ATP13A2: variants seen among roughly 807,000 people sequenced by gnomAD.
ATP13A2 encodes the protein ATPase cation transporting 13A2.
Under a neutral mutation model 138.3 loss-of-function variants are expected in ATP13A2, and 83 were observed. The ratio of observed to expected loss-of-function variants is 0.60; its 90% confidence interval spans 0.50 to 0.72. ATP13A2 has a LOEUF of 0.72. Among genes scored for constraint, ATP13A2 ranks in the 30% least tolerant of loss-of-function variants. The probability of loss-of-function intolerance (pLI) is 0.00; values close to 1 mark genes in which losing one functional copy is unlikely to be tolerated. For missense variants in ATP13A2, 1,402 were observed against 1,606.4 expected, an observed-to-expected ratio of 0.87 and a Z score of 2.17; for synonymous variants, 663 against 699.0, an observed-to-expected ratio of 0.95 and a Z score of 0.81.
Position 16,996,448 on chromosome 1 carries a change from C to T in ATP13A2, c.1244G>A (p.Arg415Gln), listed in dbSNP as rs190746040. 185 of 1,614,036 alleles carry T rather than the reference C, an allele frequency of 1.1e-4. No individual in the cohort carries two copies. The highest frequency in any genetic ancestry group is 1.1e-3 in the Admixed American group (67 of 59,996). ...TTTATAGAACTTGAAGTTGATGGGC[C>T]GGGGGTGCAAGATGGAGCTCACCAG... ...GGLVSSILHPRPINFKFYKHS... is the reference protein window; with the variant it reads ...GGLVSSILHPQPINFKFYKHS... The change falls in exon 13 of 29, where the codon CGG becomes CAG. Residue 415 changes from arginine to glutamine, a missense_variant. Arg to Gln is a conservative substitution (Grantham distance 43). Transcript: ENST00000326735.
chr1:17,005,296 T>A (rs948716257), intron 3 of ATP13A2, 78 bp downstream of exon 3: 1 of 1,541,842 alleles, frequency 6.5e-7, no homozygotes, highest in African/African-American at 1.4e-5. Flanking sequence ...AGTGGCCGGG[T>A]TGGCACCCAA....
At position 16,995,828 on chromosome 1, in the gene ATP13A2, G is replaced by A. The variant is rs1255132675; in HGVS notation, c.1542+148C>T. ...GTGAGCCCAGTGAGGGCAGGAGTGG[G>A]ATGGGGTGGATCCTCTGGGGGTTTC... On this transcript the variant is annotated intron_variant, in intron 15 of 28. Transcript: ENST00000326735. The surrounding 1 kb of genome is among the most constrained non-coding windows in gnomAD (Gnocchi z 4.1). 1.1e-6 allele frequency: 1 copy of A among 937,542 alleles called. No homozygotes were observed. Among genetic ancestry groups the A allele is most frequent in the South Asian group, 1.4e-5 (1 of 71,406 alleles). 58.1% of individuals were successfully genotyped at this position (937,542 alleles called of 1,614,324 possible). A position where few individuals can be genotyped will look rare whatever the true frequency, so the allele number is the denominator to read the frequency against.
chr1:17,000,116 G>C lies in ATP13A2; in HGVS notation c.934C>G (p.Leu312Val). 2 of 1,613,414 alleles carry C rather than the reference G, an allele frequency of 1.2e-6. No individual in the cohort carries two copies. The highest frequency in any genetic ancestry group is 3.3e-5 in the Admixed American group (2 of 60,022). The change falls in exon 11 of 29, where the codon CTA (leucine) becomes GTA (valine). Residue 312 changes from leucine (L) to valine (V), a missense_variant. By Grantham distance (32) the Leu-to-Val change is conservative. Transcript: ENST00000326735. ...GEEEWVDSSE[L>V]VPGDCLVLPQ... is the part of the protein sequence containing the mutation. The stretch of plus-strand genomic sequence containing the variant: ...AGCACCAGGCAGTCTCCGGGCACTA[G>C]CTCACTGGAGTCCACCCACTCTTCC...
Position 16,990,192 on chromosome 1 carries a change from G to A in ATP13A2, c.2347C>T (p.Arg783Trp), listed in dbSNP as rs376236999. The A allele has an allele frequency of 8.7e-6, 14 of 1,613,806 alleles. No homozygotes were observed. The highest frequency in any genetic ancestry group is 5.1e-6 in the Non-Finnish European group (6 of 1,179,992). ...LIIVHATHPE[R>W]GQPASLEFLP... is the part of the protein sequence containing the mutation. ...AACTCGAGAGAGGCAGGCTGACCCC[G>A]CTCAGGGTGGGTGGCGTGGACGATG... Residue 783 changes from arginine (R) to tryptophan (W), a missense_variant, in exon 21 of 29, where the codon CGG becomes TGG. Transcript: ENST00000326735.
rs1399725668 is a variant in ATP13A2, at chr1:16,995,606, C to T, written c.1542+370G>A. 1.4e-5 allele frequency: 5 copies of T among 358,204 alleles called. No homozygotes were observed. The highest frequency in any genetic ancestry group is 2.7e-5 in the Non-Finnish European group (5 of 182,654). The allele number at this position is 358,204 out of a possible 1,614,324, so 22.2% of individuals were successfully genotyped here. A position where few individuals can be genotyped will look rare whatever the true frequency, so the allele number is the denominator to read the frequency against. On this transcript the variant is annotated intron_variant, in intron 15 of 28. Coordinates refer to ENST00000326735, the MANE Select transcript of ATP13A2 (RefSeq NM_022089.4). This position sits in a 1 kb window ranked among gnomAD's most constrained non-coding sequence, Gnocchi z 4.1. Reference sequence around the variant, plus strand: ...GGGATTACAAGCATGTGCCATCATGCCTGGCTAACTTTTGTATTTTTAGTA... The same window carrying T: ...GGGATTACAAGCATGTGCCATCATGTCTGGCTAACTTTTGTATTTTTAGTA...
At chr1:16,999,902 C>CA (rs2077281411) in intron 11 of ATP13A2, 109 bp downstream of exon 11, 4 of 1,426,612 alleles carry the variant, frequency 2.8e-6, no homozygotes, top group Admixed American at 2.7e-5. Flanking sequence ...CTCCGTCTCA[C>CA]AAAAAAACAA....
At chr1:16,996,349 G>C (rs765751671) in intron 13 of ATP13A2, 37 bp downstream of exon 13, 2 of 1,613,746 alleles carry the variant, frequency 1.2e-6, no homozygotes, top group East Asian at 2.2e-5. Context: ...CAGGTGGGGG[G>C]GGCTATGGGC....
At chr1:17,009,821 CTCA>C (rs2077713515) in intron 1 of ATP13A2, among the ~76,000 whole-genome samples, 1 of 152,176 alleles carries the variant, frequency 6.6e-6, no homozygotes, top group African/African-American at 2.4e-5. Flanking sequence ...ATGACACTCT[CTCA>C]GTCAACCTTG....
At position 16,993,814 on chromosome 1, in the gene ATP13A2, C is replaced by A; in HGVS notation, c.1564G>T (p.Gly522Cys). ...FDKTGTLTEDGLDVMGVVPLK... is the reference protein window; with the variant it reads ...FDKTGTLTEDCLDVMGVVPLK... Reference sequence around the variant, plus strand: ...GGCACCACCCCCATCACGTCTAAGCCGTCCTCAGTGAGGGTGCCCGTCTGT... The same window carrying A: ...GGCACCACCCCCATCACGTCTAAGCAGTCCTCAGTGAGGGTGCCCGTCTGT... Residue 522 changes from glycine (G) to cysteine (C), a missense_variant, in exon 16 of 29, where the codon GGC becomes TGC. Transcript: ENST00000326735. 1 of 1,571,080 alleles carries A rather than the reference C, an allele frequency of 6.4e-7. No individual in the cohort carries two copies. The highest frequency in any genetic ancestry group is 2.3e-5 in the East Asian group (1 of 42,582).
intron 1 of ATP13A2, among the ~76,000 whole-genome samples, chr1:17,008,790 C>T (rs1179795426): frequency 6.6e-6 from 1 of 152,064 alleles, no homozygotes; most frequent in African/African-American, 2.4e-5. Flanking sequence ...GAAACCCTGT[C>T]TCTACTAAAA....
Position 16,986,229 on chromosome 1 carries a change from G to C in ATP13A2, c.3535C>G (p.Leu1179Val), listed in dbSNP as rs2076713399. 1 of 1,611,788 alleles carries C rather than the reference G, an allele frequency of 6.2e-7. No individual in the cohort carries two copies. Among genetic ancestry groups the C allele is most frequent in the East Asian group, 2.2e-5 (1 of 44,770 alleles). Residue 1179 changes from leucine (L) to valine (V), a missense_variant, in exon 29 of 29, where the codon CTG (leucine) becomes GTG (valine). Coordinates refer to ENST00000326735, the MANE Select transcript of ATP13A2 (RefSeq NM_022089.4). The surrounding 1 kb of genome is among the most constrained non-coding windows in gnomAD (Gnocchi z 6.9). ...QPWPPLPAGP[L>V]R ...GTGCCCGTGGGCCTGCACTACCTCA[G>C]GGGGCCGGCGGGCAGCGGCGGCCAG...
chr1:17,001,799 A>G (rs563715744), intron 8 of ATP13A2, among the ~76,000 whole-genome samples: 86 of 152,294 alleles, frequency 5.6e-4, no homozygotes, highest in African/African-American at 1.9e-3. Flanking sequence ...TTGGCCTCCA[A>G]TCCCTATGAG....
At position 16,992,280 on chromosome 1, in the gene ATP13A2, G is replaced by A. The variant is rs2076960569; in HGVS notation, c.1968C>T (p.Ser656=). Residue 656 remains serine (S), a synonymous_variant, in exon 18 of 29, where the codon TCC becomes TCT. Transcript: ENST00000326735. ...ATQPEAYVKG[S]PELVAGLCNP... The stretch of plus-strand genomic sequence containing the variant: ...TGCAGAGCCCTGCCACCAGCTCCGG[G>A]GAGCCTTTGACGTAGGCCTCGGGCT... 1 of 1,612,532 alleles carries A rather than the reference G, an allele frequency of 6.2e-7. No homozygotes were observed. Among genetic ancestry groups the A allele is most frequent in the Non-Finnish European group, 8.5e-7 (1 of 1,179,932 alleles).
In ATP13A2 at chr1:17,011,831, A is replaced by G. The variant is rs1031346587; in HGVS notation, c.-93T>C. On this transcript the variant is annotated 5_prime_UTR_variant, in exon 1 of 29. Transcript: ENST00000326735. This position sits in a 1 kb window ranked among gnomAD's most constrained non-coding sequence, Gnocchi z 7.3. Reference sequence around the variant, plus strand: ...GGCCCTGGGCGGGGGCGCGGTCCGGACGGCCCGGGGCGAGGGGCGCTGGGC... The same window carrying G: ...GGCCCTGGGCGGGGGCGCGGTCCGGGCGGCCCGGGGCGAGGGGCGCTGGGC... 1.0e-5 allele frequency: 11 copies of G among 1,088,410 alleles called. No individual in the cohort carries two copies. In the African/African-American group the frequency reaches 1.9e-4, roughly 18 times the overall value. 67.4% of individuals were successfully genotyped at this position (1,088,410 alleles called of 1,614,324 possible).
rs1570792730 is a variant in ATP13A2 at position 16,991,856 on chromosome 1, T to C, written c.2129A>G (p.Asp710Gly). The change falls in exon 20 of 29, where the codon GAC becomes GGC. Residue 710 changes from aspartate (D) to glycine (G), a missense_variant and splice_region_variant. Asp to Gly is a moderately conservative substitution (Grantham distance 94). Coordinates refer to ENST00000326735, the MANE Select transcript of ATP13A2 (RefSeq NM_022089.4). ...GAGGCTCAGGTCTCCTTCCACAGTG[T>C]CCCTGGAGGGTGGGCAGACCTGGAT... The part of the protein sequence containing the change: ...SLEAAQQLTR[D>G]TVEGDLSLLG... 2.5e-6 allele frequency: 4 copies of C among 1,613,956 alleles called. No individual in the cohort carries two copies. The highest frequency in any genetic ancestry group is 3.4e-6 in the Non-Finnish European group (4 of 1,180,036).
In ATP13A2 at chr1:16,996,083, C is replaced by T. The variant is rs2077109691; in HGVS notation, c.1435G>A (p.Val479Met). The T allele has an allele frequency of 6.2e-7, 1 of 1,614,128 alleles. No individual in the cohort carries two copies. The highest frequency in any genetic ancestry group is 2.2e-5 in the East Asian group (1 of 44,894). The change falls in exon 15 of 29, where the codon GTG becomes ATG. Residue 479 changes from valine to methionine, a missense_variant. By Grantham distance (21) the Val-to-Met change is conservative. Coordinates refer to ENST00000326735, the MANE Select transcript of ATP13A2 (RefSeq NM_022089.4). ...CGGCTCTGGGCGTAGAGCGTGCACA[C>T]AGTCATGGCAGCAGGCAGGGCAGGT... ...VPPALPAAMTVCTLYAQSRLR... is the reference protein window; with the variant it reads ...VPPALPAAMTMCTLYAQSRLR...
Position 16,986,777 on chromosome 1 carries a change from CA to C in ATP13A2, c.3235+27del. On this transcript the variant is annotated intron_variant, in intron 27 of 28. Transcript: ENST00000326735. This position sits in a 1 kb window ranked among gnomAD's most constrained non-coding sequence, Gnocchi z 6.9. ...CAGGGCTCCTCCCTCCCTCCGCCAGCATCTCCCGCCCGCGCCCGCAGTGGCA... is the reference window on the plus strand; with the variant it reads ...CAGGGCTCCTCCCTCCCTCCGCCAGCTCTCCCGCCCGCGCCCGCAGTGGCA... The C allele has an allele frequency of 4.4e-6, 7 of 1,606,118 alleles. No individual in the cohort carries two copies. The highest frequency in any genetic ancestry group is 5.9e-6 in the Non-Finnish European group (7 of 1,177,492).
At position 17,002,379 on chromosome 1, in the gene ATP13A2, G is replaced by A; in HGVS notation, c.558-6C>T. The A allele has an allele frequency of 1.2e-6, 2 of 1,612,394 alleles. No individual in the cohort carries two copies. Among genetic ancestry groups the A allele is most frequent in the Non-Finnish European group, 1.7e-6 (2 of 1,179,602 alleles). ...AGCGGCCATGGTCCAGGAGGCTGGG[G>A]GTGGGTGCGAGGGGACACGCATGGG... On this transcript the variant is annotated splice_polypyrimidine_tract_variant and splice_region_variant and intron_variant, in intron 6 of 28. Transcript: ENST00000326735.
intron 8 of ATP13A2, among the ~76,000 whole-genome samples, chr1:17,001,557 C>T (rs993833608): frequency 6.6e-6 from 1 of 152,218 alleles, no homozygotes; most frequent in Admixed American, 6.5e-5. Context: ...GGGATGTTCA[C>T]ACTTTATTCT....
Sources: allele counts gnomAD v4.1 joint callset (sites outside exome capture counted in the v4.1 genomes callset), GRCh38; gene constraint gnomAD v4.1.1; non-coding constraint Gnocchi (gnomAD v3.1); transcripts MANE v1.5; gene names NCBI Gene and HGNC (gene_info 2026-07-23, HGNC 2026-07-21).